HACL2: variants seen among roughly 807,000 people sequenced by gnomAD.
HACL2 encodes 2-hydroxyacyl-CoA lyase 1 like.
At chr19:15,115,500 G>A in the HACL2 span, 4 of 1,600,990 alleles carry the variant, frequency 2.5e-6, no homozygotes, top group African/African-American at 2.7e-5. Flanking sequence ...GCCCAGGAGA[G>A]GAACACAAGC....
At chr19:15,122,791 C>T in the HACL2 span, 4 of 1,614,014 alleles carry the variant, frequency 2.5e-6, no homozygotes, top group East Asian at 8.9e-5. This position sits in a 1 kb window ranked among gnomAD's most constrained non-coding sequence, Gnocchi z 4.0. Context: ...CGGGCAGCTC[C>T]ACAAACACCG....
At chr19:15,117,699 A>G in the HACL2 span, 3 of 587,024 alleles carry the variant, frequency 5.1e-6, no homozygotes, top group Admixed American at 9.3e-5. Context: ...AAATAAAAAA[A>G]ATTTAAAGAA....
chr19:15,120,265 C>G, the HACL2 span, among the ~76,000 whole-genome samples: 2 of 152,098 alleles, frequency 1.3e-5, no homozygotes, highest in Non-Finnish European at 2.9e-5. Context: ...GCCTGTTTGC[C>G]CTCGGTAGCC....
chr19:15,119,077 C>G, the HACL2 span: 2 of 1,438,454 alleles, frequency 1.4e-6, no homozygotes, highest in Non-Finnish European at 1.9e-6. Flanking sequence ...TAGGTGCCCA[C>G]TAGACCTTCC....
chr19:15,123,152 G>A, the HACL2 span: 1 of 1,614,016 alleles, frequency 6.2e-7, no homozygotes, highest in Non-Finnish European at 8.5e-7. This position sits in a 1 kb window ranked among gnomAD's most constrained non-coding sequence, Gnocchi z 5.1. Flanking sequence ...CCAGAAGCAG[G>A]ATTGGGGACT....
the HACL2 span, chr19:15,120,183 A>C: frequency 1.4e-6 from 1 of 728,382 alleles, no homozygotes; most frequent in Non-Finnish European, 2.3e-6. Flanking sequence ...GCCAGGAGCA[A>C]AGTGGCATGG....
At chr19:15,115,420 C>T in the HACL2 span, 2 of 1,613,502 alleles carry the variant, frequency 1.2e-6, no homozygotes, top group Non-Finnish European at 1.7e-6. Context: ...CCATGGCTGC[C>T]TTGTGATAAT....
the HACL2 span, among the ~76,000 whole-genome samples, chr19:15,118,697 G>A: frequency 1.3e-5 from 2 of 152,044 alleles, no homozygotes; most frequent in South Asian, 2.1e-4. Flanking sequence ...TCACCAAGTC[G>A]GCCAGCCCAG....
chr19:15,117,823 C>G, the HACL2 span: 2 of 1,600,156 alleles, frequency 1.2e-6, no homozygotes, highest in African/African-American at 2.7e-5. Flanking sequence ...GCAGCAGAAA[C>G]CAGGAGGAGA....
At chr19:15,119,297 G>A in the HACL2 span, 3 of 1,603,638 alleles carry the variant, frequency 1.9e-6, no homozygotes, top group Admixed American at 1.7e-5. Context: ...GGTCTCCACG[G>A]CAGCCCTGGG....
At chr19:15,115,746 T>G in the HACL2 span, 2 of 1,569,640 alleles carry the variant, frequency 1.3e-6, no homozygotes, top group Middle Eastern at 3.3e-4. Context: ...GAGACAGGGA[T>G]AGGGCCTCTG....
the HACL2 span, chr19:15,122,832 C>T: frequency 1.2e-6 from 2 of 1,613,770 alleles, no homozygotes; most frequent in Non-Finnish European, 1.7e-6. This position sits in a 1 kb window ranked among gnomAD's most constrained non-coding sequence, Gnocchi z 4.0. Context: ...ACGCTGAGTC[C>T]ATAACATGTC....
the HACL2 span, chr19:15,124,790 G>A: frequency 1.7e-6 from 2 of 1,210,348 alleles, no homozygotes; most frequent in East Asian, 5.2e-5. Context: ...GCCCTGGACA[G>A]AACCTCTTAC....
the HACL2 span, chr19:15,116,591 A>C: frequency 1.6e-6 from 2 of 1,264,978 alleles, no homozygotes; most frequent in African/African-American, 3.0e-5. Context: ...CAGAGGCCTC[A>C]AAACAGCAGG....
chr19:15,124,553 A>C, the HACL2 span: 1 of 266,416 alleles, frequency 3.8e-6, no homozygotes, highest in Non-Finnish European at 7.2e-6. Context: ...AGCAGAGGGC[A>C]ACTGTTATGA....
the HACL2 span, chr19:15,123,458 C>G: frequency 6.2e-7 from 1 of 1,614,230 alleles, no homozygotes; most frequent in East Asian, 2.2e-5. This position sits in a 1 kb window ranked among gnomAD's most constrained non-coding sequence, Gnocchi z 5.1. Context: ...CAGTTTCTCA[C>G]AGGCCACCAG....
the HACL2 span, chr19:15,122,586 TGTCTCCTCCCAGTC>T: frequency 3.5e-5 from 32 of 908,264 alleles, no homozygotes; most frequent in Non-Finnish European, 5.3e-5. This position sits in a 1 kb window ranked among gnomAD's most constrained non-coding sequence, Gnocchi z 4.0. Context: ...TCCCCCCAGC[TGTCTCCTCCCAGTC>T]CACATGTGAA....
At chr19:15,125,166 C>G in the HACL2 span, 1 of 1,230,322 alleles carries the variant, frequency 8.1e-7, no homozygotes, top group South Asian at 1.6e-5. Context: ...GGGCCACGAC[C>G]CTTGCCGCCA....
At chr19:15,121,251 T>C in the HACL2 span, among the ~76,000 whole-genome samples, 1 of 151,870 alleles carries the variant, frequency 6.6e-6, no homozygotes, top group Non-Finnish European at 1.5e-5. Context: ...AAAGCGAGAC[T>C]CCGTCTCAAA....
Sources: gnomAD v4.1 joint callset for allele counts (sites outside exome capture counted in the v4.1 genomes callset) on GRCh38, gnomAD v4.1.1 for gene constraint, Gnocchi (gnomAD v3.1) non-coding constraint, MANE v1.5 for transcripts, NCBI Gene and HGNC (gene_info 2026-07-23, HGNC 2026-07-21) for gene names.